The following OR9Q1 variants were observed in gnomAD, a reference collection of about 807,000 sequenced individuals.
OR9Q1 encodes the protein olfactory receptor 9Q1.
For synonymous variants in OR9Q1, 153 were observed against 148.6 expected (o/e 1.03, Z -0.22); for missense variants, 374 against 378.8 (o/e 0.99, Z 0.11).
chr11:58,081,298 A>C lies in OR9Q1; in HGVS notation c.-15+25351A>C, dbSNP rs533466844. Among the ~76,000 whole-genome samples, 3 of 152,040 alleles carry C rather than the reference A, an allele frequency of 2.0e-5. No individual in the cohort carries two copies. In the South Asian group the frequency reaches 6.2e-4, roughly 32 times the overall value. ...AACATACATGTGCATGTGTCTTTATAGTAGCATGATTTATCATCCTTTGGG... is the reference window on the plus strand; with the variant it reads ...AACATACATGTGCATGTGTCTTTATCGTAGCATGATTTATCATCCTTTGGG... On this transcript the variant is annotated intron_variant, in intron 2 of 2. Coordinates refer to ENST00000335397, the MANE Select transcript of OR9Q1 (RefSeq NM_001005212.4).
At chr11:58,053,860 T>C (rs1320896044) in intron 1 of OR9Q1, among the ~76,000 whole-genome samples, 1 of 151,744 alleles carries the variant, frequency 6.6e-6, no homozygotes, top group Non-Finnish European at 1.5e-5. Flanking sequence ...ATCTCCTTCA[T>C]CCTCCATCCC....
chr11:58,096,005 A>C (rs1853727536), intron 2 of OR9Q1, among the ~76,000 whole-genome samples: 1 of 152,192 alleles, frequency 6.6e-6, no homozygotes, highest in African/African-American at 2.4e-5. Flanking sequence ...AAAATGAAAA[A>C]TTTGGGACAA....
chr11:58,087,564 T>C lies in OR9Q1; in HGVS notation c.-15+31617T>C, dbSNP rs116041010. On this transcript the variant is annotated intron_variant, in intron 2 of 2. Transcript: ENST00000335397. ...ATATTCTTCTTAATTAATTTTTATC[T>C]TACTTTAAGTTCTGGGATACATGTG... Among the ~76,000 whole-genome samples, 869 of 152,070 alleles carry C rather than the reference T, an allele frequency of 5.7e-3. 33 individuals are homozygous for C. Among genetic ancestry groups the C allele is most frequent in the African/African-American group, 0.02 (847 of 41,356 alleles).
At chr11:58,140,625 C>A (rs1051546878) in intron 2 of OR9Q1, among the ~76,000 whole-genome samples, 1 of 152,004 alleles carries the variant, frequency 6.6e-6, no homozygotes, top group African/African-American at 2.4e-5. Flanking sequence ...CTGAGGGCTC[C>A]GTTCTGTTCC....
intron 1 of OR9Q1, among the ~76,000 whole-genome samples, chr11:58,039,433 TG>T (rs1215061567): frequency 1.3e-5 from 2 of 152,224 alleles, no homozygotes; most frequent in Non-Finnish European, 2.9e-5. Context: ...CCCAGAAATG[TG>T]GTTGCCTTGA....
chr11:58,156,609 A>G (rs1854410376), intron 2 of OR9Q1, among the ~76,000 whole-genome samples: 1 of 152,170 alleles, frequency 6.6e-6, no homozygotes, highest in Non-Finnish European at 1.5e-5. Flanking sequence ...CTTTGGCCAT[A>G]TGGATTAAAC....
intron 2 of OR9Q1, among the ~76,000 whole-genome samples, chr11:58,080,057 C>T (rs914334421): frequency 6.6e-6 from 1 of 152,110 alleles, no homozygotes; most frequent in Non-Finnish European, 1.5e-5. Context: ...TACGGGGGTA[C>T]ATGTGCAGGC....
chr11:58,123,552 C>G (rs535330362), intron 2 of OR9Q1, among the ~76,000 whole-genome samples: 239 of 152,256 alleles, frequency 1.6e-3, no homozygotes, highest in Non-Finnish European at 2.8e-3. Flanking sequence ...TCTAGTCCTT[C>G]CTGAAGCCCT....
intron 2 of OR9Q1, among the ~76,000 whole-genome samples, chr11:58,126,662 A>G (rs1324875687): frequency 6.6e-6 from 1 of 152,204 alleles, no homozygotes; most frequent in African/African-American, 2.4e-5. Context: ...TTTTTGGACA[A>G]TATTTATTAT....
intron 2 of OR9Q1, among the ~76,000 whole-genome samples, chr11:58,123,513 T>A (rs1352162978): frequency 1.3e-5 from 2 of 152,174 alleles, no homozygotes. Flanking sequence ...TTGTGGCACA[T>A]GCATGCAAGG....
chr11:58,142,762 AC>A (rs1854262776), intron 2 of OR9Q1, among the ~76,000 whole-genome samples: 2 of 152,072 alleles, frequency 1.3e-5, no homozygotes, highest in Admixed American at 1.3e-4. Context: ...CCTGGCGAGA[AC>A]CCCATCTGTA....
intron 2 of OR9Q1, chr11:58,109,540 C>T (rs1486747477): frequency 2.2e-6 from 1 of 457,982 alleles, no homozygotes; most frequent in East Asian, 7.0e-5. Flanking sequence ...CCCCCCATTC[C>T]CCAGAAAAGT....
intron 2 of OR9Q1, among the ~76,000 whole-genome samples, chr11:58,103,045 A>G (rs2120090469): frequency 6.6e-6 from 1 of 152,168 alleles, no homozygotes; most frequent in East Asian, 1.9e-4. Flanking sequence ...TTGCATCTAT[A>G]TTAGTCCATT....
intron 2 of OR9Q1, among the ~76,000 whole-genome samples, chr11:58,157,964 G>C (rs1253572369): frequency 1.3e-5 from 2 of 152,158 alleles, no homozygotes; most frequent in Admixed American, 6.5e-5. Flanking sequence ...GGGATTGTTG[G>C]CTATGGCAAA....
chr11:58,065,484 T>A (rs1853420357), intron 2 of OR9Q1, among the ~76,000 whole-genome samples: 1 of 152,172 alleles, frequency 6.6e-6, no homozygotes, highest in South Asian at 2.1e-4. Flanking sequence ...TTCCTGGGCA[T>A]CTTTTTGGAG....
At chr11:58,175,213 G>T (rs1590627462) in intron 2 of OR9Q1, among the ~76,000 whole-genome samples, 1 of 151,284 alleles carries the variant, frequency 6.6e-6, no homozygotes, top group South Asian at 2.1e-4. Context: ...GGAAGATTTT[G>T]GAACTGGGAA....
chr11:58,031,359 A>G (rs145755323), intron 1 of OR9Q1: 265 of 1,613,842 alleles, frequency 1.6e-4, no homozygotes, highest in Non-Finnish European at 2.2e-4. Flanking sequence ...CCTCTCCACT[A>G]TGGGGCTTTT....
intron 2 of OR9Q1, among the ~76,000 whole-genome samples, chr11:58,129,960 A>C (rs996570537): frequency 2.0e-5 from 3 of 152,120 alleles, no homozygotes; most frequent in African/African-American, 7.2e-5. Context: ...ATACATATGC[A>C]GAATGTGCAG....
At chr11:58,094,826 AGTT>A (rs368729474) in intron 2 of OR9Q1, among the ~76,000 whole-genome samples, 1 of 152,224 alleles carries the variant, frequency 6.6e-6, no homozygotes, top group African/African-American at 2.4e-5. Context: ...CACCTGCTAT[AGTT>A]GTGTTTTAAA....
Sources: gnomAD v4.1 joint callset for allele counts (sites outside exome capture counted in the v4.1 genomes callset) on GRCh38, gnomAD v4.1.1 for gene constraint, MANE v1.5 for transcripts, NCBI Gene and HGNC (gene_info 2026-07-23, HGNC 2026-07-21) for gene names.